Variants in SEPTIN10 observed in about 807,000 individuals in gnomAD.
SEPTIN10 encodes septin-10.
A neutral mutation model predicts 54.8 loss-of-function variants in SEPTIN10; 66 were observed. That is an observed-to-expected ratio of 1.21 (90% CI 0.99 to 1.48). SEPTIN10 has a LOEUF of 1.48. Among genes scored for constraint, SEPTIN10 ranks in the 40% most tolerant of loss-of-function variants. The pLI is 0.00. For missense variants in SEPTIN10, 620 were observed against 545.6 expected (o/e 1.14, Z -1.36); for synonymous variants, 161 against 181.0 (o/e 0.89, Z 0.89).
intron 5 of SEPTIN10, among the ~76,000 whole-genome samples, chr2:109,572,712 G>A (rs1036668189): frequency 4.6e-5 from 7 of 151,230 alleles, no homozygotes; most frequent in African/African-American, 1.7e-4. Flanking sequence ...CGCCTCCTGG[G>A]TTCAAGCAAT....
At chr2:109,547,185 G>A (rs941598263) in intron 9 of SEPTIN10, among the ~76,000 whole-genome samples, 1 of 152,132 alleles carries the variant, frequency 6.6e-6, no homozygotes, top group African/African-American at 2.4e-5. Flanking sequence ...TGCCAGCTAT[G>A]TGCCTTCCTC....
intron 8 of SEPTIN10, among the ~76,000 whole-genome samples, chr2:109,560,665 A>C (rs1685453834): frequency 6.6e-6 from 1 of 152,184 alleles, no homozygotes; most frequent in Admixed American, 6.5e-5. Context: ...ACTCAAAGTC[A>C]ACAGGTCCCA....
chr2:109,545,199 G>A, intron 10 of SEPTIN10: 1 of 985,348 alleles, frequency 1.0e-6, no homozygotes, highest in Non-Finnish European at 1.2e-6. Context: ...CTGAGGCAGA[G>A]TCCCCCAAAT....
chr2:109,597,494 A>C (rs922000124), intron 1 of SEPTIN10, among the ~76,000 whole-genome samples: 62 of 152,360 alleles, frequency 4.1e-4, no homozygotes, highest in African/African-American at 1.4e-3. Context: ...TCAGAGAAAC[A>C]TGAATGCACA....
intron 1 of SEPTIN10, among the ~76,000 whole-genome samples, chr2:109,597,125 G>T (rs965147230): frequency 5.9e-5 from 9 of 151,864 alleles, no homozygotes; most frequent in African/African-American, 2.2e-4. Context: ...TTTTTTTGTA[G>T]AGACGAGATC....
chr2:109,593,469 G>A (rs1400062207), intron 1 of SEPTIN10, among the ~76,000 whole-genome samples: 1 of 140,452 alleles, frequency 7.1e-6, no homozygotes, highest in East Asian at 2.1e-4. Flanking sequence ...GCAATGGCAT[G>A]ATCTCGGCTC....
At chr2:109,599,267 G>A (rs1042401460) in intron 1 of SEPTIN10, among the ~76,000 whole-genome samples, 6 of 152,118 alleles carry the variant, frequency 3.9e-5, no homozygotes, top group African/African-American at 1.4e-4. Context: ...AGACCAGCCT[G>A]GCCAACATGG....
At chr2:109,588,580 G>A (rs1433159855) in intron 2 of SEPTIN10, among the ~76,000 whole-genome samples, 2 of 151,800 alleles carry the variant, frequency 1.3e-5, no homozygotes, top group African/African-American at 4.8e-5. Flanking sequence ...TGCAACCTCC[G>A]CCCCCCAGGT....
At chr2:109,581,540 A>G (rs79363858) in intron 4 of SEPTIN10, among the ~76,000 whole-genome samples, 1 of 151,868 alleles carries the variant, frequency 6.6e-6, no homozygotes, top group Non-Finnish European at 1.5e-5. Flanking sequence ...AAAAAAAAAA[A>G]CCTATTTCAG....
chr2:109,551,550 AG>A (rs1243552750), intron 9 of SEPTIN10, among the ~76,000 whole-genome samples: 2 of 152,242 alleles, frequency 1.3e-5, no homozygotes, highest in Non-Finnish European at 2.9e-5. Context: ...AATCTGAATA[AG>A]GACTGAAGAT....
intron 6 of SEPTIN10, among the ~76,000 whole-genome samples, chr2:109,566,610 C>A (rs542409956): frequency 6.6e-6 from 1 of 152,032 alleles, no homozygotes; most frequent in Non-Finnish European, 1.5e-5. Flanking sequence ...TAAAGTAGTA[C>A]ACAAAGTCCC....
chr2:109,586,815 CAATCAG>C (rs1203668247), intron 2 of SEPTIN10, among the ~76,000 whole-genome samples: 2 of 152,160 alleles, frequency 1.3e-5, no homozygotes, highest in Non-Finnish European at 2.9e-5. Flanking sequence ...CATAACTCAG[CAATCAG>C]AAAGCACAGC....
At chr2:109,585,370 G>T in intron 3 of SEPTIN10, 49 bp from the exon 4 acceptor site, 1 of 1,421,868 alleles carries the variant, frequency 7.0e-7, no homozygotes, top group Non-Finnish European at 9.6e-7. Flanking sequence ...TGGCTGAAAA[G>T]AAATACAACT....
chr2:109,544,661 G>C lies in SEPTIN10; in HGVS notation c.1350-337C>G, dbSNP rs975700334. The C allele has an allele frequency of 4.4e-6, 4 of 911,990 alleles. No homozygotes were observed. In the East Asian group the frequency reaches 3.5e-4, roughly 81 times the overall value. The allele number at this position is 911,990 out of a possible 1,614,324, so 56.5% of individuals were successfully genotyped here. Reference sequence around the variant, plus strand: ...ACTGGGTTAAGATGAAAGGAAAAAAGGTATTAATAAAAGATCCATTAGCTT... The same window carrying C: ...ACTGGGTTAAGATGAAAGGAAAAAACGTATTAATAAAAGATCCATTAGCTT... On this transcript the variant is annotated intron_variant, in intron 10 of 10. Transcript: ENST00000397712.
intron 9 of SEPTIN10, among the ~76,000 whole-genome samples, chr2:109,548,403 T>C (rs867711169): frequency 1.0e-3 from 154 of 152,236 alleles, no homozygotes; most frequent in African/African-American, 3.7e-3. Context: ...AAAGACGACA[T>C]AGCTGGGCGT....
At chr2:109,564,968 C>G (rs901987148) in intron 7 of SEPTIN10, among the ~76,000 whole-genome samples, 1 of 152,158 alleles carries the variant, frequency 6.6e-6, no homozygotes, top group Non-Finnish European at 1.5e-5. Flanking sequence ...TACTATCCTT[C>G]CCTGCTATAA....
intron 1 of SEPTIN10, among the ~76,000 whole-genome samples, chr2:109,609,908 C>T (rs1210878251): frequency 6.6e-6 from 1 of 152,114 alleles, no homozygotes; most frequent in Non-Finnish European, 1.5e-5. Flanking sequence ...GTACTCAACA[C>T]TATTTCAAGA....
chr2:109,573,124 TTTAA>T (rs1688792828), intron 5 of SEPTIN10, among the ~76,000 whole-genome samples: 1 of 152,172 alleles, frequency 6.6e-6, no homozygotes, highest in African/African-American at 2.4e-5. Flanking sequence ...CATGGATCAA[TTTAA>T]TTAATTTTCA....
Position 109,565,776 on chromosome 2 carries a change from C to G in SEPTIN10, c.846G>C (p.Trp282Cys). ...TGTCTCATTTACCTTGTACAACACC[C>G]CAAGGGTACTGGCGAGCTTTGACCA... is the stretch of plus-strand genomic sequence containing the variant. The part of the protein sequence containing the change: ...NKMVKARQYP[W>C]GVVQVENENH... The change falls in exon 7 of 11, where the codon TGG becomes TGC. Residue 282 changes from tryptophan (W) to cysteine (C), a missense_variant. Coordinates refer to ENST00000397712, the MANE Select transcript of SEPTIN10 (RefSeq NM_144710.5). 6.2e-7 allele frequency: 1 copy of G among 1,613,796 alleles called. No homozygotes were observed. The highest frequency in any genetic ancestry group is 8.5e-7 in the Non-Finnish European group (1 of 1,179,792).
Sources: allele counts gnomAD v4.1 joint callset (sites outside exome capture counted in the v4.1 genomes callset), GRCh38; gene constraint gnomAD v4.1.1; transcripts MANE v1.5; gene names NCBI Gene and HGNC (gene_info 2026-07-23, HGNC 2026-07-21).